The following STAT3 variants were observed in gnomAD, a reference collection of about 807,000 sequenced individuals.
STAT3 encodes the protein DNA-binding protein APRF.
In STAT3, 7 loss-of-function variants were observed where a neutral mutation model predicts 114.3. That is an observed-to-expected ratio of 0.06 (90% CI 0.03 to 0.11). STAT3 has a LOEUF of 0.11. Among genes scored for constraint, STAT3 ranks in the 10% least tolerant of loss-of-function variants. The pLI is 1.00. For missense variants in STAT3, 364 were observed against 960.9 expected (o/e 0.38, Z 8.21); for synonymous variants, 331 against 354.5 (o/e 0.93, Z 0.74).
intron 1 of STAT3, among the ~76,000 whole-genome samples, chr17:42,364,456 T>G (rs951105019): frequency 6.6e-6 from 1 of 152,118 alleles, no homozygotes; most frequent in African/African-American, 2.4e-5. Context: ...AACCTGTGGG[T>G]ACTGTTATCT....
chr17:42,338,912 C>T, intron 5 of STAT3, 100 bp from the exon 6 acceptor site: 1 of 1,121,106 alleles, frequency 8.9e-7, no homozygotes, highest in South Asian at 1.3e-5. Context: ...AAGCCAAAAC[C>T]TCAAAAAAGA....
At chr17:42,358,484 G>C (rs2083337659) in intron 1 of STAT3, among the ~76,000 whole-genome samples, 1 of 152,190 alleles carries the variant, frequency 6.6e-6, no homozygotes, top group Non-Finnish European at 1.5e-5. Flanking sequence ...CAATTACTGA[G>C]TGCACAGTTG....
At chr17:42,317,884 G>A (rs773363134) in intron 21 of STAT3, among the ~76,000 whole-genome samples, 15 of 152,202 alleles carry the variant, frequency 9.9e-5, no homozygotes, top group Non-Finnish European at 1.9e-4. Flanking sequence ...GAAGACCGGA[G>A]ACCTGGGTCC....
chr17:42,338,928 G>A, intron 5 of STAT3, 116 bp from the exon 6 acceptor site: 1 of 882,700 alleles, frequency 1.1e-6, no homozygotes, highest in South Asian at 1.5e-5. Context: ...AAAGATACAT[G>A]CAGGACCTGC....
chr17:42,328,042 A>AAAAAAAAAG (rs1555565216), intron 14 of STAT3, among the ~76,000 whole-genome samples: 2 of 148,792 alleles, frequency 1.3e-5, no homozygotes, highest in African/African-American at 5.0e-5. Flanking sequence ...GACTCAAAAA[A>AAAAAAAAAG]AAAAAAGAAA....
At chr17:42,336,974 A>T (rs2082254224) in intron 8 of STAT3, among the ~76,000 whole-genome samples, 1 of 151,920 alleles carries the variant, frequency 6.6e-6, no homozygotes, top group African/African-American at 2.4e-5. Context: ...TAAAAACTTT[A>T]TTTTATTTTT....
intron 4 of STAT3, among the ~76,000 whole-genome samples, chr17:42,343,910 G>A (rs560131045): frequency 1.2e-4 from 18 of 152,104 alleles, no homozygotes; most frequent in Non-Finnish European, 2.4e-4. Flanking sequence ...GATCTTCGAG[G>A]AAGACCTATC....
At chr17:42,370,062 C>T (rs1187805571) in intron 1 of STAT3, among the ~76,000 whole-genome samples, 2 of 151,976 alleles carry the variant, frequency 1.3e-5, no homozygotes, top group African/African-American at 4.8e-5. Flanking sequence ...ACCTCCACCT[C>T]CTGGTTCAAG....
In STAT3 at chr17:42,363,261, C is replaced by T. The variant is rs903876065; in HGVS notation, c.-23-14722G>A. ...GCTGTTTGAAAAATTCAAGAATGAT[C>T]AAGAATCACTGATTCAAGAATAATC... On this transcript the variant is annotated intron_variant, in intron 1 of 23. Coordinates refer to ENST00000264657, the MANE Select transcript of STAT3 (RefSeq NM_139276.3). 2.6e-5 allele frequency among the ~76,000 whole-genome samples: 4 copies of T among 152,158 alleles called. No homozygotes were observed. In the East Asian group the frequency reaches 7.7e-4, roughly 29 times the overall value.
intron 1 of STAT3, among the ~76,000 whole-genome samples, chr17:42,358,247 C>T (rs1412010586): frequency 6.6e-6 from 1 of 152,068 alleles, no homozygotes. Context: ...GAGACCTTGC[C>T]TCTACAAAAA....
At chr17:42,343,927 T>C (rs1344167001) in intron 4 of STAT3, among the ~76,000 whole-genome samples, 1 of 152,224 alleles carries the variant, frequency 6.6e-6, no homozygotes, top group African/African-American at 2.4e-5. Context: ...TATCTATCTG[T>C]AAATAATAAG....
chr17:42,317,070 T>C (rs922719175), intron 22 of STAT3, 112 bp downstream of exon 22: 5 of 1,582,794 alleles, frequency 3.2e-6, no homozygotes, highest in Non-Finnish European at 4.3e-6. Context: ...GTACTAAACA[T>C]AGCCCAGGGG....
intron 4 of STAT3, among the ~76,000 whole-genome samples, chr17:42,343,410 T>C (rs1468410609): frequency 3.3e-5 from 5 of 151,666 alleles, no homozygotes; most frequent in African/African-American, 4.8e-5. Context: ...CAATAGTATA[T>C]GCAAATTGCA....
At position 42,323,642 on chromosome 17, in the gene STAT3, G is replaced by T; in HGVS notation, c.1601-17C>A. The T allele has an allele frequency of 6.2e-7, 1 of 1,613,342 alleles. No homozygotes were observed. Among genetic ancestry groups the T allele is most frequent in the Middle Eastern group, 1.7e-4 (1 of 6,058 alleles). On this transcript the variant is annotated splice_polypyrimidine_tract_variant and intron_variant, in intron 17 of 23. Coordinates refer to ENST00000264657, the MANE Select transcript of STAT3 (RefSeq NM_139276.3). ...CACCAGGTCCTGAAGGAAAGAAAAA[G>T]AGTCAAGTAGTACATTTTCAGCTTG...
chr17:42,361,812 T>A (rs2083525142), intron 1 of STAT3, among the ~76,000 whole-genome samples: 1 of 152,126 alleles, frequency 6.6e-6, no homozygotes. Context: ...GGGTAAGTCT[T>A]TGAAAAGCTT....
At position 42,313,393 on chromosome 17, in the gene STAT3, A is replaced by AG. The variant is rs1392501929; in HGVS notation, c.*2351_*2352insC. On this transcript the variant is annotated 3_prime_UTR_variant, in exon 24 of 24. Transcript: ENST00000264657. ...CAGCAATATACCAAAAAAAAAAAAA[A>AG]AAAAAAAAGACAAAAAACCTCACAA... The AG allele has an allele frequency of 5.0e-6, 1 of 200,268 alleles. No individual in the cohort carries two copies. The highest frequency in any genetic ancestry group is 7.7e-5 in the East Asian group (1 of 13,034). 12.4% of individuals were successfully genotyped at this position (200,268 alleles called of 1,614,324 possible). A position where few individuals can be genotyped will look rare whatever the true frequency, so the allele number is the denominator to read the frequency against.
intron 1 of STAT3, among the ~76,000 whole-genome samples, chr17:42,378,392 C>T (rs1027400440): frequency 3.3e-5 from 5 of 152,034 alleles, no homozygotes; most frequent in South Asian, 2.1e-4. Context: ...ATTACAGGCA[C>T]GCGTCACCAC....
chr17:42,350,236 AGTTAG>A (rs1480119391), intron 1 of STAT3, among the ~76,000 whole-genome samples: 1 of 152,190 alleles, frequency 6.6e-6, no homozygotes, highest in Non-Finnish European at 1.5e-5. Flanking sequence ...AGAAGCACCT[AGTTAG>A]CACTGGCTTT....
chr17:42,329,554 C>G lies in STAT3; in HGVS notation c.1233G>C (p.Leu411Phe), dbSNP rs2144771846. ...NGSLSAEFKHLTLREQRCGNG... is the reference protein window; with the variant it reads ...NGSLSAEFKHFTLREQRCGNG... Reference sequence around the variant, plus strand: ...GTGAAGGGGAGCTCCTCCCACATACCAAGTGTTTGAATTCTGCAGAGAGGC... The same window carrying G: ...GTGAAGGGGAGCTCCTCCCACATACGAAGTGTTTGAATTCTGCAGAGAGGC... The change falls in exon 13 of 24, where the codon TTG becomes TTC. Residue 411 changes from leucine to phenylalanine, a missense_variant and splice_region_variant. By Grantham distance (22) the Leu-to-Phe change is conservative. Around this residue, in one of 5 missense-constraint regions of STAT3, gnomAD observed 294 missense variants for 745.1 expected, o/e 0.39. Transcript: ENST00000264657. 1 of 1,614,208 alleles carries G rather than the reference C, an allele frequency of 6.2e-7. No individual in the cohort carries two copies. The highest frequency in any genetic ancestry group is 8.5e-7 in the Non-Finnish European group (1 of 1,180,048).
Sources: allele counts gnomAD v4.1 joint callset (sites outside exome capture counted in the v4.1 genomes callset), GRCh38; gene constraint gnomAD v4.1.1; regional missense constraint gnomAD v4.1.1; transcripts MANE v1.5; gene names NCBI Gene and HGNC (gene_info 2026-07-23, HGNC 2026-07-21).